The following SPIDR variants were observed in gnomAD, a reference collection of about 807,000 sequenced individuals.
The protein encoded by SPIDR is DNA repair-scaffolding protein.
In SPIDR, 93 loss-of-function variants were observed where a neutral mutation model predicts 104.6. That is an observed-to-expected ratio of 0.89 (90% confidence interval 0.75 to 1.06). The LOEUF (loss-of-function observed/expected upper bound fraction) is 1.06. Among genes scored for constraint, SPIDR ranks in the 50% least tolerant of loss-of-function variants. SPIDR has a pLI of 0.00. For synonymous variants in SPIDR, 431 were observed against 416.9 expected (o/e 1.03, Z -0.41); for missense variants, 1,154 against 1,111.2 (o/e 1.04, Z -0.55).
intron 6 of SPIDR, among the ~76,000 whole-genome samples, chr8:47,404,395 C>G (rs1733233559): frequency 6.6e-6 from 1 of 152,194 alleles, no homozygotes; most frequent in South Asian, 2.1e-4. Flanking sequence ...AAAGAAACTA[C>G]CATCAGAGTG....
chr8:47,519,532 T>G (rs2083702341), intron 8 of SPIDR, among the ~76,000 whole-genome samples: 1 of 152,168 alleles, frequency 6.6e-6, no homozygotes, highest in Non-Finnish European at 1.5e-5. Context: ...ATCCGAACAC[T>G]TTTGGGAATC....
chr8:47,462,082 C>G (rs909719041), intron 8 of SPIDR, among the ~76,000 whole-genome samples: 8 of 152,082 alleles, frequency 5.3e-5, no homozygotes, highest in African/African-American at 1.9e-4. Flanking sequence ...GGCTAGTGTT[C>G]AGATTCTTTT....
intron 14 of SPIDR, among the ~76,000 whole-genome samples, chr8:47,711,543 A>C (rs1331286459): frequency 6.6e-6 from 1 of 151,702 alleles, no homozygotes; most frequent in Non-Finnish European, 1.5e-5. Flanking sequence ...TGTTACTTAG[A>C]AGCCAAGATC....
chr8:47,700,573 C>T (rs1357288726), intron 12 of SPIDR, 83 bp downstream of exon 12: 3 of 1,380,764 alleles, frequency 2.2e-6, no homozygotes, highest in African/African-American at 1.4e-5. Flanking sequence ...CTGTCACTCA[C>T]ATGGTCTGTG....
chr8:47,714,815 T>G (rs1359880666), intron 16 of SPIDR, among the ~76,000 whole-genome samples: 1 of 152,214 alleles, frequency 6.6e-6, no homozygotes, highest in East Asian at 1.9e-4. Flanking sequence ...CTCATGGACA[T>G]CCAGGATCTC....
At chr8:47,343,354 A>G (rs1410491157) in intron 5 of SPIDR, among the ~76,000 whole-genome samples, 1 of 152,134 alleles carries the variant, frequency 6.6e-6, no homozygotes, top group Non-Finnish European at 1.5e-5. Flanking sequence ...CCTAGCATAG[A>G]GGTTGACATG....
At chr8:47,507,538 T>TG (rs1209485496) in intron 8 of SPIDR, among the ~76,000 whole-genome samples, 1 of 152,208 alleles carries the variant, frequency 6.6e-6, no homozygotes, top group Non-Finnish European at 1.5e-5. Context: ...TGAGCCCTGG[T>TG]GGGGGGCTGA....
chr8:47,408,592 G>A (rs1220765921), intron 7 of SPIDR, among the ~76,000 whole-genome samples: 2 of 152,164 alleles, frequency 1.3e-5, no homozygotes, highest in African/African-American at 4.8e-5. Context: ...TGTAGCCAGA[G>A]CACTATTAGT....
At chr8:47,279,785 T>A in intron 1 of SPIDR, 77 bp from the exon 2 acceptor site, 1 of 1,405,646 alleles carries the variant, frequency 7.1e-7, no homozygotes, top group East Asian at 2.3e-5. Flanking sequence ...GATTGTAAAT[T>A]GTGAACTGAA....
At chr8:47,508,144 A>G (rs1324326994) in intron 8 of SPIDR, among the ~76,000 whole-genome samples, 2 of 152,236 alleles carry the variant, frequency 1.3e-5, no homozygotes, top group African/African-American at 2.4e-5. Context: ...TCACTAACAA[A>G]TCCTATCAGC....
At chr8:47,720,028 A>C (rs1052334151) in intron 16 of SPIDR, among the ~76,000 whole-genome samples, 1 of 152,062 alleles carries the variant, frequency 6.6e-6, no homozygotes, top group African/African-American at 2.4e-5. Context: ...CTCCCTCCCC[A>C]CTGACTACTG....
At chr8:47,735,049 C>T (rs2085973410) in intron 19 of SPIDR, among the ~76,000 whole-genome samples, 1 of 152,002 alleles carries the variant, frequency 6.6e-6, no homozygotes, top group Non-Finnish European at 1.5e-5. Context: ...AATTCAGTTA[C>T]CAGAATGGGG....
chr8:47,627,612 CTTCT>C (rs1160835458), intron 10 of SPIDR, among the ~76,000 whole-genome samples: 1 of 152,110 alleles, frequency 6.6e-6, no homozygotes, highest in African/African-American at 2.4e-5. Flanking sequence ...CTTTCTCTTC[CTTCT>C]ATGTGTTATA....
Position 47,279,869 on chromosome 8 carries a change from G to T in SPIDR, c.41G>T (p.Arg14Met). The stretch of plus-strand genomic sequence containing the variant: ...TAAAAATCATCTCCACAGAGAAAAA[G>T]GAGTTGGAATACAGAATGCCCATCC... ...GSRARGSKRK[R>M]SWNTECPSFP... The change falls in exon 2 of 20, where the codon AGG (arginine) becomes ATG (methionine). Residue 14 changes from arginine to methionine, a missense_variant. Coordinates refer to ENST00000297423, the MANE Select transcript of SPIDR (RefSeq NM_001080394.4). 1 of 1,606,284 alleles carries T rather than the reference G, an allele frequency of 6.2e-7. No homozygotes were observed. The highest frequency in any genetic ancestry group is 8.5e-7 in the Non-Finnish European group (1 of 1,176,044).
intron 8 of SPIDR, among the ~76,000 whole-genome samples, chr8:47,540,231 G>A (rs1209097351): frequency 1.3e-5 from 2 of 152,140 alleles, no homozygotes; most frequent in East Asian, 1.9e-4. Context: ...AATTGTTCTC[G>A]CGGTTTCTCC....
At position 47,479,776 on chromosome 8, in the gene SPIDR, G is replaced by T. The variant is rs114130218; in HGVS notation, c.1097+39234G>T. On this transcript the variant is annotated intron_variant, in intron 8 of 19. Transcript: ENST00000297423. ...AAAGTTCTTGTAGACTAATAGAACTGTAAGTTTGGGGAAGTAAGGCTTATC... is the reference window on the plus strand; with the variant it reads ...AAAGTTCTTGTAGACTAATAGAACTTTAAGTTTGGGGAAGTAAGGCTTATC... Among the ~76,000 whole-genome samples the T allele has an allele frequency of 8.5e-4, 129 of 152,334 alleles. 1 individual carries two copies. The highest frequency in any genetic ancestry group is 3.4e-3 in the Middle Eastern group (1 of 294).
At chr8:47,347,389 A>T (rs1335439549) in intron 5 of SPIDR, among the ~76,000 whole-genome samples, 1 of 152,156 alleles carries the variant, frequency 6.6e-6, no homozygotes, top group Admixed American at 6.6e-5. Flanking sequence ...TTTTGGAATA[A>T]GTGTGATGTG....
At chr8:47,518,069 T>C (rs1302766222) in intron 8 of SPIDR, among the ~76,000 whole-genome samples, 1 of 152,234 alleles carries the variant, frequency 6.6e-6, no homozygotes, top group Non-Finnish European at 1.5e-5. Flanking sequence ...TTGTTAATAC[T>C]TTTAAAAAAT....
chr8:47,671,493 G>A (rs919585338), intron 10 of SPIDR, among the ~76,000 whole-genome samples: 2 of 151,956 alleles, frequency 1.3e-5, no homozygotes, highest in African/African-American at 4.8e-5. Flanking sequence ...GCTGAGGCAA[G>A]AGAATCACTT....
Sources: allele counts gnomAD v4.1 joint callset (sites outside exome capture counted in the v4.1 genomes callset), GRCh38; gene constraint gnomAD v4.1.1; transcripts MANE v1.5; gene names NCBI Gene and HGNC (gene_info 2026-07-23, HGNC 2026-07-21).